Variants in CA10 observed in about 807,000 individuals in gnomAD.
CA10 encodes the protein carbonic anhydrase-related protein 10.
A neutral mutation model predicts 44.2 loss-of-function variants in CA10; 14 were observed. The observed-to-expected ratio is 0.32, with a 90% CI of 0.21 to 0.50. The LOEUF (loss-of-function observed/expected upper bound fraction) is 0.50. CA10 is among the 20% of genes least tolerant of loss of function. The pLI, the probability that CA10 is intolerant of heterozygous loss-of-function variation, is 0.99. For missense variants in CA10, 350 were observed against 409.7 expected (o/e 0.85, Z 1.26); for synonymous variants, 159 against 141.6 (o/e 1.12, Z -0.87).
chr17:51,774,983 C>CA (rs1905761778), intron 3 of CA10, among the ~76,000 whole-genome samples: 1 of 152,182 alleles, frequency 6.6e-6, no homozygotes, highest in African/African-American at 2.4e-5. Flanking sequence ...CCTCCTCTTA[C>CA]AGATGGGTAA....
chr17:52,063,362 T>C (rs1360508014), intron 2 of CA10, among the ~76,000 whole-genome samples: 1 of 152,136 alleles, frequency 6.6e-6, no homozygotes, highest in Non-Finnish European at 1.5e-5. Flanking sequence ...GATAGAATGA[T>C]TGTATTTTGC....
At chr17:51,822,963 T>C (rs1907870278) in intron 3 of CA10, among the ~76,000 whole-genome samples, 1 of 152,200 alleles carries the variant, frequency 6.6e-6, no homozygotes, top group Admixed American at 6.5e-5. Flanking sequence ...CTTACTCAAC[T>C]GCCCTCCCCC....
intron 4 of CA10, among the ~76,000 whole-genome samples, chr17:51,687,218 G>A (rs1336597291): frequency 6.6e-6 from 1 of 152,062 alleles, no homozygotes; most frequent in Non-Finnish European, 1.5e-5. Flanking sequence ...CATTTCATTT[G>A]TGTAAAATAT....
In CA10 at chr17:52,157,714, C is replaced by T. The variant is rs367996538; in HGVS notation, c.61+12G>A. The T allele has an allele frequency of 1.5e-5, 24 of 1,612,970 alleles. No individual in the cohort carries two copies. The Middle Eastern group carries it at 4.9e-4, about 33-fold the overall frequency. ...AATCCAAATCAGCCAGTGACTTCGG[C>T]GCGTCCCGTACCTGATATGCAGACG... On this transcript the variant is annotated intron_variant, in intron 1 of 8. Coordinates refer to ENST00000451037, the MANE Select transcript of CA10 (RefSeq NM_020178.5).
chr17:52,064,697 G>C (rs956519765), intron 2 of CA10, among the ~76,000 whole-genome samples: 2 of 152,234 alleles, frequency 1.3e-5, no homozygotes, highest in African/African-American at 4.8e-5. Context: ...AGAAAAGGAT[G>C]GAAAATAGCA....
rs140874341 is a variant in CA10, at chr17:52,039,338, T to C, written c.136+32981A>G. On this transcript the variant is annotated intron_variant, in intron 2 of 8. Coordinates refer to ENST00000451037, the MANE Select transcript of CA10 (RefSeq NM_020178.5). ...TACTTCCATTCCACACAGCACCTTTTGTCAGCTAGAAGCTGATAGAAAATT... is the reference window on the plus strand; with the variant it reads ...TACTTCCATTCCACACAGCACCTTTCGTCAGCTAGAAGCTGATAGAAAATT... 4.4e-3 allele frequency among the ~76,000 whole-genome samples: 665 copies of C among 151,720 alleles called. 3 individuals carry two copies. Among genetic ancestry groups the C allele is most frequent in the African/African-American group, 0.015 (624 of 41,522 alleles).
chr17:51,649,423 G>GC (rs1913468286), intron 5 of CA10, among the ~76,000 whole-genome samples, 169 bp from the exon 6 acceptor site: 2 of 152,176 alleles, frequency 1.3e-5, no homozygotes, highest in Non-Finnish European at 2.9e-5. Flanking sequence ...CTCAAGGACA[G>GC]CCCAGTCTAG....
At chr17:51,933,637 A>G (rs2144000355) in intron 2 of CA10, among the ~76,000 whole-genome samples, 1 of 152,260 alleles carries the variant, frequency 6.6e-6, no homozygotes, top group South Asian at 2.1e-4. Context: ...GAAAAGTAAT[A>G]CAGCACCCCT....
intron 6 of CA10, among the ~76,000 whole-genome samples, chr17:51,645,219 T>C (rs1320146910): frequency 6.6e-6 from 1 of 152,214 alleles, no homozygotes; most frequent in Non-Finnish European, 1.5e-5. Context: ...TCTTCTATTG[T>C]GGACTCTGCC....
At chr17:51,827,138 T>G (rs1908039060) in intron 3 of CA10, among the ~76,000 whole-genome samples, 1 of 152,170 alleles carries the variant, frequency 6.6e-6, no homozygotes, top group Non-Finnish European at 1.5e-5. Flanking sequence ...TTTACCAGTT[T>G]TGGCAAAGTG....
At chr17:51,771,039 G>A (rs4318254) in intron 3 of CA10, among the ~76,000 whole-genome samples, 32 of 147,966 alleles carry the variant, frequency 2.2e-4, no homozygotes, top group Admixed American at 4.1e-4. Flanking sequence ...CAGGAGAATC[G>A]CTTGAACCCA....
chr17:52,142,120 A>G (rs1462306492), intron 1 of CA10, among the ~76,000 whole-genome samples: 2 of 152,234 alleles, frequency 1.3e-5, no homozygotes, highest in Admixed American at 1.3e-4. Flanking sequence ...CCACAGCATG[A>G]GCAAAAGCAC....
chr17:51,654,327 G>A (rs539701365), intron 4 of CA10, among the ~76,000 whole-genome samples: 2 of 152,276 alleles, frequency 1.3e-5, no homozygotes, highest in African/African-American at 4.8e-5. Flanking sequence ...CACCTGTTGA[G>A]CCTTTTTCCT....
At chr17:51,897,185 G>A (rs542527024) in intron 3 of CA10, among the ~76,000 whole-genome samples, 2 of 152,062 alleles carry the variant, frequency 1.3e-5, no homozygotes, top group African/African-American at 4.8e-5. Flanking sequence ...TTATCTTCTA[G>A]GGTTTTTGTG....
At chr17:51,684,642 A>G (rs1914949844) in intron 4 of CA10, among the ~76,000 whole-genome samples, 1 of 152,190 alleles carries the variant, frequency 6.6e-6, no homozygotes, top group African/African-American at 2.4e-5. Context: ...TTAAAAATAC[A>G]TTTAAAGCTT....
At chr17:52,050,854 G>A (rs1258096544) in intron 2 of CA10, among the ~76,000 whole-genome samples, 2 of 152,012 alleles carry the variant, frequency 1.3e-5, no homozygotes, top group African/African-American at 4.8e-5. Context: ...GACTTGTTTG[G>A]TTGATATTTG....
At chr17:51,992,565 C>A (rs898033330) in intron 2 of CA10, among the ~76,000 whole-genome samples, 2 of 152,124 alleles carry the variant, frequency 1.3e-5, no homozygotes, top group Non-Finnish European at 2.9e-5. Flanking sequence ...GCACATTAGG[C>A]ATAGTTCTTC....
intron 2 of CA10, among the ~76,000 whole-genome samples, chr17:51,961,656 G>A (rs1444574131): frequency 6.6e-6 from 1 of 152,098 alleles, no homozygotes; most frequent in Non-Finnish European, 1.5e-5. Flanking sequence ...ATGATATTAA[G>A]AGAAAATTAT....
chr17:51,998,406 C>T (rs1400552329), intron 2 of CA10, among the ~76,000 whole-genome samples: 2 of 152,030 alleles, frequency 1.3e-5, no homozygotes, highest in Non-Finnish European at 2.9e-5. Context: ...GGAGTGTAGT[C>T]AGCCAAGAAT....
Sources: gnomAD v4.1 joint callset for allele counts (sites outside exome capture counted in the v4.1 genomes callset) on GRCh38, gnomAD v4.1.1 for gene constraint, MANE v1.5 for transcripts, NCBI Gene and HGNC (gene_info 2026-07-23, HGNC 2026-07-21) for gene names.